The following KIFBP variants were observed in gnomAD, a reference collection of about 807,000 sequenced individuals.
KIFBP encodes the protein KIF-binding protein.
In KIFBP, 46 loss-of-function variants were observed where a neutral mutation model predicts 58.9. The observed-to-expected ratio is 0.78, with a 90% CI of 0.62 to 1.00. KIFBP has a LOEUF of 1.00. KIFBP is among the 50% of genes least tolerant of loss of function. KIFBP has a pLI of 0.00. For missense variants in KIFBP, 651 were observed against 752.9 expected (o/e 0.86, Z 1.58); for synonymous variants, 241 against 283.4 (o/e 0.85, Z 1.50).
At chr10:69,008,391 A>AAAAAAAAAAAAATATATATATAT in intron 4 of KIFBP, among the ~76,000 whole-genome samples, 1 of 71,612 alleles carries the variant, frequency 1.4e-5, no homozygotes, top group African/African-American at 7.8e-5. Flanking sequence ...AAAAAAAAAA[A>AAAAAAAAAAAAATATATATATAT]ATATATATAT....
intron 6 of KIFBP, 193 bp downstream of exon 6, chr10:69,011,208 C>T (rs986686317): frequency 9.7e-5 from 53 of 549,032 alleles, no homozygotes; most frequent in Non-Finnish European, 1.3e-4. Context: ...GCAGAGGCTG[C>T]GTGAGCCGAG....
Position 68,988,883 on chromosome 10 carries a change from C to T in KIFBP, c.51C>T (p.Leu17=), listed in dbSNP as rs2132104267. The T allele has an allele frequency of 1.9e-6, 3 of 1,614,260 alleles. No individual in the cohort carries two copies. The highest frequency in any genetic ancestry group is 1.1e-5 in the South Asian group (1 of 91,092). ...TCTGCGAGAAATTCCAGGCGGCGCTCGCTCTGTCGCGGGTGGAACTGCATA... is the reference window on the plus strand; with the variant it reads ...TCTGCGAGAAATTCCAGGCGGCGCTTGCTCTGTCGCGGGTGGAACTGCATA... ...AEVCEKFQAA[L]ALSRVELHKN... is the part of the protein sequence containing the mutation. Residue 17 remains leucine, a synonymous_variant, in exon 1 of 7, where the codon CTC becomes CTT. Coordinates refer to ENST00000361983, the MANE Select transcript of KIFBP (RefSeq NM_015634.4).
intron 5 of KIFBP, among the ~76,000 whole-genome samples, chr10:69,009,786 C>CTTTAAAAATAGTTTATT (rs1028279218): frequency 1.3e-5 from 2 of 152,100 alleles, no homozygotes; most frequent in Non-Finnish European, 2.9e-5. Context: ...TCATCATTTT[C>CTTTAAAAATAGTTTATT]TTTAAAAATA....
intron 1 of KIFBP, among the ~76,000 whole-genome samples, chr10:68,992,559 T>C (rs373444827): frequency 3.3e-5 from 5 of 152,176 alleles, no homozygotes; most frequent in Non-Finnish European, 1.5e-5. Flanking sequence ...TTTTTGTAAA[T>C]GGTTTGGAAG....
chr10:68,995,779 GGCAAGGATATGATATGTGAAAGAT>G (rs1843396843), intron 1 of KIFBP, among the ~76,000 whole-genome samples: 1 of 152,148 alleles, frequency 6.6e-6, no homozygotes, highest in Non-Finnish European at 1.5e-5. Flanking sequence ...GTTTGATAGT[GGCAAGGATATGATATGTGAAAGAT>G]GCAAGACCTT....
In KIFBP at chr10:69,015,829, A is replaced by G. The variant is rs370902866; in HGVS notation, c.1279A>G (p.Ser427Gly). The change falls in exon 7 of 7, where the codon AGT becomes GGT. Residue 427 changes from serine (S) to glycine (G), a missense_variant. By Grantham distance (56) the Ser-to-Gly change is moderately conservative. Coordinates refer to ENST00000361983, the MANE Select transcript of KIFBP (RefSeq NM_015634.4). ...TDHIEVVQDHSALFKVLAFFE... is the reference protein window; with the variant it reads ...TDHIEVVQDHGALFKVLAFFE... ...CCATATTGAAGTTGTCCAAGACCACAGTGCTCTGTTTAAGGTGCTTGCATT... is the reference window on the plus strand; with the variant it reads ...CCATATTGAAGTTGTCCAAGACCACGGTGCTCTGTTTAAGGTGCTTGCATT... The G allele has an allele frequency of 5.4e-5, 87 of 1,614,126 alleles. No homozygotes were observed. Among genetic ancestry groups the G allele is most frequent in the Non-Finnish European group, 7.2e-5 (85 of 1,180,060 alleles).
rs1843531611 is a variant in KIFBP, at chr10:69,006,024, A to G, written c.789+109A>G. On this transcript the variant is annotated intron_variant, in intron 4 of 6. Transcript: ENST00000361983. ...TTTAAAAACAGGTAGCTTGTATTTT[A>G]TGATGTACAACTGAAGCCGAAAATG... is the stretch of plus-strand genomic sequence containing the variant. The G allele has an allele frequency of 8.2e-6, 9 of 1,098,630 alleles. No homozygotes were observed. The Admixed American group carries it at 2.1e-4, about 26-fold the overall frequency. 68.1% of individuals were successfully genotyped at this position (1,098,630 alleles called of 1,614,324 possible).
chr10:69,003,044 CAAAA>C (rs5785887), intron 2 of KIFBP, among the ~76,000 whole-genome samples: 4 of 105,570 alleles, frequency 3.8e-5, no homozygotes, highest in South Asian at 2.9e-4. Context: ...CCCGTCTTTA[CAAAA>C]AAAAAAAAAA....
intron 2 of KIFBP, among the ~76,000 whole-genome samples, chr10:69,001,790 T>C (rs1843469183): frequency 1.3e-5 from 2 of 151,918 alleles, no homozygotes; most frequent in Non-Finnish European, 2.9e-5. Context: ...TTTTATAACA[T>C]TAAAAAAGTT....
At chr10:68,992,293 C>G (rs1843358522) in intron 1 of KIFBP, among the ~76,000 whole-genome samples, 1 of 152,142 alleles carries the variant, frequency 6.6e-6, no homozygotes, top group Admixed American at 6.5e-5. Context: ...TGTGTCTGGC[C>G]TTTTAAAAAT....
intron 1 of KIFBP, among the ~76,000 whole-genome samples, chr10:68,997,683 C>T (rs1843421302): frequency 6.6e-6 from 1 of 151,104 alleles, no homozygotes; most frequent in South Asian, 2.1e-4. Context: ...ATTGTAATTT[C>T]CTGATCTTAG....
intron 6 of KIFBP, chr10:69,011,333 C>T: frequency 4.8e-6 from 1 of 210,060 alleles, no homozygotes; most frequent in South Asian, 6.8e-5. Flanking sequence ...ACTACCTCTT[C>T]CTTGAAGACT....
chr10:69,002,229 G>A (rs1843474710), intron 2 of KIFBP, among the ~76,000 whole-genome samples: 3 of 151,162 alleles, frequency 2.0e-5, no homozygotes. Flanking sequence ...GCGTGATCTC[G>A]GCTCACTGCA....
intron 6 of KIFBP, among the ~76,000 whole-genome samples, chr10:69,014,427 A>G (rs1838959338): frequency 6.6e-6 from 1 of 152,204 alleles, no homozygotes; most frequent in African/African-American, 2.4e-5. Flanking sequence ...AGGGAGGATG[A>G]TATCAGAAGG....
At chr10:69,005,688 C>G in intron 3 of KIFBP, 44 bp from the exon 4 acceptor site, 4 of 1,291,762 alleles carry the variant, frequency 3.1e-6, no homozygotes, top group Non-Finnish European at 3.3e-6. Context: ...AAAAAAAAAA[C>G]AAGTAAACCA....
intron 4 of KIFBP, among the ~76,000 whole-genome samples, chr10:69,008,391 A>AAAAAAAAAATATATATATATAT: frequency 1.4e-5 from 1 of 71,592 alleles, no homozygotes; most frequent in African/African-American, 7.8e-5. Flanking sequence ...AAAAAAAAAA[A>AAAAAAAAAATATATATATATAT]ATATATATAT....
chr10:69,004,441 A>AT (rs1173621153), intron 2 of KIFBP, among the ~76,000 whole-genome samples: 7 of 152,110 alleles, frequency 4.6e-5, no homozygotes, highest in Admixed American at 2.6e-4. Context: ...AGATTGGTGG[A>AT]TTTTTTGCAT....
chr10:68,997,733 A>G (rs1843421699), intron 1 of KIFBP, among the ~76,000 whole-genome samples: 1 of 151,718 alleles, frequency 6.6e-6, no homozygotes, highest in African/African-American at 2.4e-5. Flanking sequence ...AGTTCAACTT[A>G]TTTCTCCTTT....
intron 6 of KIFBP, among the ~76,000 whole-genome samples, chr10:69,014,407 C>G (rs1838958994): frequency 6.6e-6 from 1 of 152,130 alleles, no homozygotes; most frequent in Non-Finnish European, 1.5e-5. Context: ...TTTAGAAGTT[C>G]TGTGGCGTAA....
Sources: gnomAD v4.1 joint callset for allele counts (sites outside exome capture counted in the v4.1 genomes callset) on GRCh38, gnomAD v4.1.1 for gene constraint, MANE v1.5 for transcripts, NCBI Gene and HGNC (gene_info 2026-07-23, HGNC 2026-07-21) for gene names.